The following LPCAT1 variants were observed in gnomAD, a reference collection of about 807,000 sequenced individuals.
LPCAT1 encodes lysophosphatidylcholine acyltransferase 1, also known as 1-acylglycerol-3-phosphate O-acyltransferase.
LPCAT1 carries 23 observed loss-of-function variants against 60.9 expected under a neutral mutation model. The observed-to-expected ratio is 0.38, with a 90% CI of 0.27 to 0.53. The LOEUF (loss-of-function observed/expected upper bound fraction) is 0.53. Ranked by LOEUF, LPCAT1 falls within the 20% of genes least tolerant of loss-of-function variation. LPCAT1 has a pLI of 0.82. For missense variants in LPCAT1, 622 were observed against 723.6 expected, an observed-to-expected ratio of 0.86 and a Z score of 1.61; for synonymous variants, 340 against 301.1, an observed-to-expected ratio of 1.13 and a Z score of -1.34.
Position 1,463,739 on chromosome 5 carries a change from G to A in LPCAT1, c.1517C>T (p.Pro506Leu), listed in dbSNP as rs752496909. 4 of 1,614,262 alleles carry A rather than the reference G, an allele frequency of 2.5e-6. No individual in the cohort carries two copies. The Admixed American group carries it at 5.0e-5, about 20-fold the overall frequency. The change falls in exon 14 of 14, where the codon CCT becomes CTT. Residue 506 changes from proline to leucine, a missense_variant. Around this residue, in one of 3 missense-constraint regions of LPCAT1, gnomAD observed 288 missense variants for 283.6 expected, o/e 1.02. Transcript: ENST00000283415. ...ACAGAAGCCGTTTGGGATTGGCGCAGGTGAGGTCTCTGCACAGCTTTCGAA... is the reference window on the plus strand; with the variant it reads ...ACAGAAGCCGTTTGGGATTGGCGCAAGTGAGGTCTCTGCACAGCTTTCGAA... Reference protein sequence around the residue: ...THFESCAETSPAPIPNGFCAD... With the variant: ...THFESCAETSLAPIPNGFCAD...
rs1735736447 is a variant in LPCAT1, at chr5:1,495,069, G to A, written c.279-155C>T. On this transcript the variant is annotated intron_variant, in intron 2 of 13. Transcript: ENST00000283415. The surrounding 1 kb of genome is among the most constrained non-coding windows in gnomAD (Gnocchi z 4.7). ...CCGCTGGGACATCTGCTTGAGGGAA[G>A]AAAAGACGCCGCGCCTTCCTGGCCT... is the stretch of plus-strand genomic sequence containing the variant. 1 of 687,692 alleles carries A rather than the reference G, an allele frequency of 1.5e-6. No individual in the cohort carries two copies. The highest frequency in any genetic ancestry group is 2.4e-6 in the Non-Finnish European group (1 of 417,828). The allele number at this position is 687,692 out of a possible 1,614,324, so 42.6% of individuals were successfully genotyped here.
intron 2 of LPCAT1, 38 bp downstream of exon 2, chr5:1,501,423 C>CT: frequency 6.3e-7 from 1 of 1,576,482 alleles, no homozygotes; most frequent in Non-Finnish European, 8.6e-7. Context: ...CCGCGTGACC[C>CT]CCCCCCAGGA....
chr5:1,466,777 G>A lies in LPCAT1; in HGVS notation c.1392C>T (p.Asp464=). The stretch of plus-strand genomic sequence containing the variant: ...ATGTGATCTTCCCCTTCTCCTCTTG[G>A]TCAATGGCTCGGAATAGGTCGGTCA... ...LTVTDLFRAI[D]QEEKGKITFA... is the part of the protein sequence containing the mutation. The change falls in exon 13 of 14, where the codon GAC becomes GAT. Residue 464 remains aspartate, a synonymous_variant. Coordinates refer to ENST00000283415, the MANE Select transcript of LPCAT1 (RefSeq NM_024830.5). 3 of 1,612,218 alleles carry A rather than the reference G, an allele frequency of 1.9e-6. No individual in the cohort carries two copies. The highest frequency in any genetic ancestry group is 1.7e-4 in the Middle Eastern group (1 of 6,042).
intron 11 of LPCAT1, among the ~76,000 whole-genome samples, chr5:1,473,102 C>T (rs564024434): frequency 1.1e-4 from 16 of 152,214 alleles, no homozygotes; most frequent in African/African-American, 3.9e-4. Context: ...CTGAGTGCTC[C>T]TCACCTGCTC....
chr5:1,486,881 C>T (rs899821853), intron 5 of LPCAT1, among the ~76,000 whole-genome samples: 1 of 152,234 alleles, frequency 6.6e-6, no homozygotes, highest in Non-Finnish European at 1.5e-5. Flanking sequence ...GTCATCTCCC[C>T]AGACCCCGTG....
rs185503329 is a variant in LPCAT1 at position 1,496,830 on chromosome 5, C to A, written c.279-1916G>T. On this transcript the variant is annotated intron_variant, in intron 2 of 13. Coordinates refer to ENST00000283415, the MANE Select transcript of LPCAT1 (RefSeq NM_024830.5). The surrounding 1 kb of genome is among the most constrained non-coding windows in gnomAD (Gnocchi z 4.7). ...CTCCGCTTGCTGTGGGGTTGGGGAC[C>A]CAGCACCCACTCACCCCAAGGCAAA... Among the ~76,000 whole-genome samples the A allele has an allele frequency of 2.4e-3, 361 of 152,256 alleles. No individual in the cohort carries two copies. Among genetic ancestry groups the A allele is most frequent in the Non-Finnish European group, 4.2e-3 (287 of 68,016 alleles).
chr5:1,479,780 G>T, intron 7 of LPCAT1, 105 bp from the exon 8 acceptor site: 2 of 863,380 alleles, frequency 2.3e-6, no homozygotes, highest in Non-Finnish European at 3.8e-6. Flanking sequence ...TCCAGAGGGC[G>T]CTACTGGGCA....
At chr5:1,508,356 A>G (rs974185489) in intron 1 of LPCAT1, among the ~76,000 whole-genome samples, 2 of 152,228 alleles carry the variant, frequency 1.3e-5, no homozygotes, top group Non-Finnish European at 1.5e-5. Context: ...AGGACTCCAG[A>G]GGGTGACTGT....
chr5:1,477,544 T>C lies in LPCAT1; in HGVS notation c.817-58A>G, dbSNP rs576190921. 2 of 1,278,516 alleles carry C rather than the reference T, an allele frequency of 1.6e-6. No individual in the cohort carries two copies. Among genetic ancestry groups the C allele is most frequent in the African/African-American group, 1.5e-5 (1 of 67,392 alleles). 79.2% of individuals were successfully genotyped at this position (1,278,516 alleles called of 1,614,324 possible). A position where few individuals can be genotyped will look rare whatever the true frequency, so the allele number is the denominator to read the frequency against. ...AAGACGCTGACCTCAGCAACACCAC[T>C]GTAACGACAACTGGGAGGCTGACAA... On this transcript the variant is annotated intron_variant, in intron 8 of 13. Transcript: ENST00000283415. The surrounding 1 kb of genome is among the most constrained non-coding windows in gnomAD (Gnocchi z 6.0).
chr5:1,479,879 A>T (rs556530168), intron 7 of LPCAT1, among the ~76,000 whole-genome samples: 2 of 150,722 alleles, frequency 1.3e-5, no homozygotes, highest in African/African-American at 2.4e-5. Context: ...TGCTTTTCCG[A>T]TTCAACACCT....
At chr5:1,517,876 G>C (rs867430683) in intron 1 of LPCAT1, among the ~76,000 whole-genome samples, 61 of 152,354 alleles carry the variant, frequency 4.0e-4, no homozygotes, top group African/African-American at 1.4e-3. Context: ...CCCCACACGG[G>C]GGACGAGGGG....
chr5:1,520,271 A>T (rs1352889311), intron 1 of LPCAT1, among the ~76,000 whole-genome samples: 1 of 152,248 alleles, frequency 6.6e-6, no homozygotes, highest in East Asian at 1.9e-4. Context: ...TTTTTTTAAA[A>T]AATCACAACT....
At chr5:1,499,259 G>A (rs1026766040) in intron 2 of LPCAT1, among the ~76,000 whole-genome samples, 2 of 152,202 alleles carry the variant, frequency 1.3e-5, no homozygotes, top group Non-Finnish European at 1.5e-5. Flanking sequence ...CTCGCACGGG[G>A]CTCCTGCCTC....
At chr5:1,516,491 G>T (rs1014024526) in intron 1 of LPCAT1, among the ~76,000 whole-genome samples, 1 of 152,192 alleles carries the variant, frequency 6.6e-6, no homozygotes, top group East Asian at 1.9e-4. Flanking sequence ...CCAGCCCGGC[G>T]GCATCCCCAC....
At position 1,495,140 on chromosome 5, in the gene LPCAT1, G is replaced by A. The variant is rs368036918; in HGVS notation, c.279-226C>T. Among the ~76,000 whole-genome samples, 120 of 152,338 alleles carry A rather than the reference G, an allele frequency of 7.9e-4. No individual in the cohort carries two copies. Among genetic ancestry groups the A allele is most frequent in the Middle Eastern group, 6.8e-3 (2 of 292 alleles). ...TGCGCTCTCACCTACGAAGGAGGCC[G>A]CGGGGCCCTGTGTGGTGGTCACGGG... On this transcript the variant is annotated intron_variant, in intron 2 of 13. Transcript: ENST00000283415. This position sits in a 1 kb window ranked among gnomAD's most constrained non-coding sequence, Gnocchi z 4.7.
At chr5:1,467,758 G>A (rs1461015280) in intron 12 of LPCAT1, among the ~76,000 whole-genome samples, 1 of 151,756 alleles carries the variant, frequency 6.6e-6, no homozygotes, top group Non-Finnish European at 1.5e-5. Flanking sequence ...TTTCCTCTGA[G>A]GTCCCGACGC....
At chr5:1,484,516 G>A (rs930371124) in intron 5 of LPCAT1, among the ~76,000 whole-genome samples, 16 of 152,336 alleles carry the variant, frequency 1.1e-4, no homozygotes, top group East Asian at 7.7e-4. Context: ...CAGGCAGCGC[G>A]TTCCTCCCAG....
chr5:1,500,369 A>G (rs1005331687), intron 2 of LPCAT1, among the ~76,000 whole-genome samples: 2 of 152,280 alleles, frequency 1.3e-5, no homozygotes, highest in Non-Finnish European at 2.9e-5. Flanking sequence ...ATTTAAATGA[A>G]ACAAGAAAAT....
chr5:1,473,703 C>T (rs1213781270), intron 11 of LPCAT1, among the ~76,000 whole-genome samples: 1 of 152,168 alleles, frequency 6.6e-6, no homozygotes. Flanking sequence ...TGTTAGACTC[C>T]GTAATCACAC....
Sources: allele counts gnomAD v4.1 joint callset (sites outside exome capture counted in the v4.1 genomes callset), GRCh38; gene constraint gnomAD v4.1.1; regional missense constraint gnomAD v4.1.1; non-coding constraint Gnocchi (gnomAD v3.1); transcripts MANE v1.5; gene names NCBI Gene and HGNC (gene_info 2026-07-23, HGNC 2026-07-21).